Variants in PCDH15 observed in about 807,000 individuals in gnomAD.
PCDH15 encodes protocadherin related 15, also known as protocadherin-15.
PCDH15 carries 129 observed loss-of-function variants against 178.5 expected under a neutral mutation model. The observed-to-expected ratio is 0.72, with a 90% CI of 0.63 to 0.84. The LOEUF is 0.84. Ranked by LOEUF, PCDH15 falls within the 40% of genes least tolerant of loss-of-function variation. The probability of loss-of-function intolerance (pLI) is 0.00; values close to 1 mark genes in which losing one functional copy is unlikely to be tolerated. For missense variants in PCDH15, 2,230 were observed against 2,099.9 expected (o/e 1.06, Z -1.21); for synonymous variants, 800 against 732.0 (o/e 1.09, Z -1.50).
At chr10:53,825,958 T>TTATAG (rs2076651065) in intron 32 of PCDH15, among the ~76,000 whole-genome samples, 1 of 151,624 alleles carries the variant, frequency 6.6e-6, no homozygotes, top group African/African-American at 2.4e-5. Flanking sequence ...CCAGATGATG[T>TTATAG]TATAGTATAC....
chr10:55,087,424 A>C (rs1372798269), intron 2 of PCDH15, among the ~76,000 whole-genome samples: 3 of 152,216 alleles, frequency 2.0e-5, no homozygotes, highest in Non-Finnish European at 4.4e-5. Flanking sequence ...TTGGCTGATA[A>C]GCCAGATAAG....
At chr10:54,437,507 T>G (rs538183719) in intron 3 of PCDH15, among the ~76,000 whole-genome samples, 6 of 151,770 alleles carry the variant, frequency 4.0e-5, no homozygotes, top group African/African-American at 1.5e-4. Context: ...TATCCTCTTT[T>G]CAAATTTTAA....
intron 26 of PCDH15, among the ~76,000 whole-genome samples, chr10:53,872,989 T>C (rs552230028): frequency 6.6e-6 from 1 of 152,352 alleles, no homozygotes; most frequent in South Asian, 2.1e-4. Context: ...CTGCATTTAA[T>C]GCTTCATCAG....
chr10:55,133,227 G>T (rs1361737486), intron 2 of PCDH15, among the ~76,000 whole-genome samples: 2 of 152,128 alleles, frequency 1.3e-5, no homozygotes, highest in African/African-American at 2.4e-5. Flanking sequence ...GGTCACTATT[G>T]GTGTCAAGGT....
At chr10:55,325,238 A>T (rs575022031) in intron 2 of PCDH15, among the ~76,000 whole-genome samples, 71 of 152,254 alleles carry the variant, frequency 4.7e-4, no homozygotes, top group Middle Eastern at 6.8e-3. Flanking sequence ...ATTCATATGG[A>T]ACCAAAAAAA....
chr10:55,306,396 G>C (rs940674904), intron 1 of PCDH15, among the ~76,000 whole-genome samples: 1 of 152,110 alleles, frequency 6.6e-6, no homozygotes, highest in Non-Finnish European at 1.5e-5. Context: ...TTCACCTCCT[G>C]CATTTACCCT....
chr10:54,952,011 C>T (rs915009071), intron 2 of PCDH15, among the ~76,000 whole-genome samples: 1 of 151,714 alleles, frequency 6.6e-6, no homozygotes, highest in Non-Finnish European at 1.5e-5. Flanking sequence ...ATTCTTTTAA[C>T]GTATCTTGCA....
At chr10:53,906,689 A>G (rs568395291) in intron 25 of PCDH15, among the ~76,000 whole-genome samples, 3 of 152,338 alleles carry the variant, frequency 2.0e-5, no homozygotes, top group South Asian at 2.1e-4. Context: ...TGGTACCACA[A>G]AATAATCAGG....
rs188466569 is a variant in PCDH15, at chr10:54,075,783, T to C, written c.2091+3548A>G. On this transcript the variant is annotated intron_variant, in intron 17 of 37. Coordinates refer to ENST00000644397, the MANE Select transcript of PCDH15 (RefSeq NM_001384140.1). ...ATTAAGTGAAAGTTTATTTTTGGAT[T>C]TTCTATTAAATTACATTGGCCTGTA... Among the ~76,000 whole-genome samples, 462 of 152,268 alleles carry C rather than the reference T, an allele frequency of 3.0e-3. 3 individuals carry two copies. Among genetic ancestry groups the C allele is most frequent in the African/African-American group, 0.01 (435 of 41,562 alleles).
At chr10:53,857,110 TA>T in intron 28 of PCDH15, 64 bp downstream of exon 28, 1 of 1,182,124 alleles carries the variant, frequency 8.5e-7, no homozygotes, top group Non-Finnish European at 1.2e-6. Flanking sequence ...AAATAAAATT[TA>T]AAAAATACAG....
rs186204031 is a variant in PCDH15, at chr10:55,105,758, C to T, written c.-80+60818G>A. Among the ~76,000 whole-genome samples, 20 of 151,990 alleles carry T rather than the reference C, an allele frequency of 1.3e-4. No homozygotes were observed. In the East Asian group the frequency reaches 2.5e-3, roughly 19 times the overall value. ...AGAGTGCTCTTCTGTTGTGTGTTTACCTGCATGTGTAACAATACATTTAAT... is the reference window on the plus strand; with the variant it reads ...AGAGTGCTCTTCTGTTGTGTGTTTATCTGCATGTGTAACAATACATTTAAT... On this transcript the variant is annotated intron_variant, in intron 2 of 5. Coordinates refer to the PCDH15 transcript ENST00000458638.
intron 26 of PCDH15, among the ~76,000 whole-genome samples, chr10:53,892,774 G>A (rs896202168): frequency 6.6e-6 from 1 of 152,044 alleles, no homozygotes; most frequent in African/African-American, 2.4e-5. Flanking sequence ...CAGTTATATA[G>A]GAGGAATAAG....
intron 3 of PCDH15, among the ~76,000 whole-genome samples, chr10:54,474,771 T>A (rs2078159153): frequency 1.3e-5 from 2 of 152,040 alleles, no homozygotes; most frequent in Admixed American, 6.6e-5. Flanking sequence ...CATATTTTGC[T>A]AAATAGAATA....
intron 13 of PCDH15, among the ~76,000 whole-genome samples, chr10:54,158,417 C>T (rs967889108): frequency 6.6e-6 from 1 of 152,120 alleles, no homozygotes; most frequent in African/African-American, 2.4e-5. Flanking sequence ...AATCTTGCCC[C>T]CATGATTCAA....
intron 1 of PCDH15, among the ~76,000 whole-genome samples, chr10:55,194,524 G>A (rs922884411): frequency 6.6e-6 from 1 of 152,012 alleles, no homozygotes; most frequent in African/African-American, 2.4e-5. Context: ...TATGAACCCA[G>A]TTTGTCTTGC....
chr10:54,354,595 C>T (rs1335362584), intron 5 of PCDH15, among the ~76,000 whole-genome samples: 1 of 152,120 alleles, frequency 6.6e-6, no homozygotes, highest in African/African-American at 2.4e-5. Context: ...GGGGATGCTC[C>T]TGAAGGCCCA....
At chr10:55,621,588 T>A (rs557363829) in intron 2 of PCDH15, among the ~76,000 whole-genome samples, 2 of 152,288 alleles carry the variant, frequency 1.3e-5, no homozygotes, top group Admixed American at 6.5e-5. Context: ...TATGGTTAGC[T>A]GCGCATGTGA....
rs1172516614 is a variant in PCDH15 at position 55,606,526 on chromosome 10, A to T, written c.-156+21099T>A. Among the ~76,000 whole-genome samples the T allele has an allele frequency of 2.1e-5, 3 of 144,926 alleles. No homozygotes were observed. The Admixed American group carries it at 2.1e-4, about 10-fold the overall frequency. ...ACAAGGCTACAGTAACCAAAACAGC[A>T]TGGTACTGGTACCAAAACAGAGATT... is the stretch of plus-strand genomic sequence containing the variant. On this transcript the variant is annotated intron_variant, in intron 2 of 5. Transcript: ENST00000613346.
intron 28 of PCDH15, among the ~76,000 whole-genome samples, chr10:53,846,578 G>T (rs2077993469): frequency 6.6e-6 from 1 of 151,640 alleles, no homozygotes; most frequent in African/African-American, 2.4e-5. Context: ...ACAAACTAAG[G>T]GTGTCAATAA....
Sources: gnomAD v4.1 joint callset for allele counts (sites outside exome capture counted in the v4.1 genomes callset) on GRCh38, gnomAD v4.1.1 for gene constraint, MANE v1.5 for transcripts, NCBI Gene and HGNC (gene_info 2026-07-23, HGNC 2026-07-21) for gene names.